The following SPATA13 variants were observed in gnomAD, a reference collection of about 807,000 sequenced individuals.
The protein encoded by SPATA13 is spermatogenesis-associated protein 13.
Under a neutral mutation model 104.0 loss-of-function variants are expected in SPATA13, and 50 were observed. That is an observed-to-expected ratio of 0.48 (90% CI 0.38 to 0.61). The LOEUF (loss-of-function observed/expected upper bound fraction) is 0.61. Ranked by LOEUF, SPATA13 falls within the 20% of genes least tolerant of loss-of-function variation. SPATA13 has a pLI of 0.00. For synonymous variants in SPATA13, 606 were observed against 667.5 expected (o/e 0.91, Z 1.42); for missense variants, 1,524 against 1,690.6 (o/e 0.90, Z 1.73).
chr13:24,201,353 T>G (rs1007064117), intron 1 of SPATA13, among the ~76,000 whole-genome samples: 4 of 152,176 alleles, frequency 2.6e-5, no homozygotes, highest in African/African-American at 9.7e-5. Flanking sequence ...TTTCTTTTAT[T>G]ATTATCATTT....
chr13:24,110,567 A>C (rs1880606579), intron 3 of SPATA13, among the ~76,000 whole-genome samples: 1 of 152,206 alleles, frequency 6.6e-6, no homozygotes, highest in Non-Finnish European at 1.5e-5. Flanking sequence ...GCGGTGGAGA[A>C]GCAGGGTTTG....
intron 1 of SPATA13, among the ~76,000 whole-genome samples, chr13:24,185,781 G>T (rs1869110554): frequency 6.7e-6 from 1 of 148,356 alleles, no homozygotes; most frequent in South Asian, 2.2e-4. Context: ...AGAACTAAAA[G>T]AATGTGTGTG....
rs28372314 is a variant in SPATA13, at chr13:24,233,882, C to A, written c.1653+9300C>A. On this transcript the variant is annotated intron_variant, in intron 2 of 12. Transcript: ENST00000382108. ...CTGACAGGCTACAGAACTTTATACA[C>A]TTAAACACACACACACACACACACA... 2.7e-4 allele frequency among the ~76,000 whole-genome samples: 27 copies of A among 100,664 alleles called. No individual in the cohort carries two copies. The East Asian group carries it at 7.3e-3, about 27-fold the overall frequency. 66.0% of individuals were successfully genotyped at this position (100,664 alleles called of 152,430 possible).
chr13:24,302,243 G>T (rs952255883), intron 12 of SPATA13, among the ~76,000 whole-genome samples: 1 of 152,100 alleles, frequency 6.6e-6, no homozygotes, highest in South Asian at 2.1e-4. Flanking sequence ...AACATAACAA[G>T]TGTAGCTACT....
At chr13:24,182,902 G>A (rs1868900847) in intron 1 of SPATA13, among the ~76,000 whole-genome samples, 1 of 152,116 alleles carries the variant, frequency 6.6e-6, no homozygotes, top group Non-Finnish European at 1.5e-5. Flanking sequence ...ACCCAAAGAA[G>A]GCAAAGGCAG....
intron 3 of SPATA13, among the ~76,000 whole-genome samples, chr13:24,111,649 G>A (rs537363261): frequency 7.2e-5 from 11 of 152,268 alleles, no homozygotes; most frequent in South Asian, 2.1e-4. Flanking sequence ...CAAGCGACCC[G>A]CCTGCCTTGG....
chr13:24,252,272 T>C (rs1873537722), intron 4 of SPATA13, among the ~76,000 whole-genome samples: 1 of 152,148 alleles, frequency 6.6e-6, no homozygotes, highest in African/African-American at 2.4e-5. Flanking sequence ...TGTAGGAGCA[T>C]TGCCTCATCT....
At chr13:24,131,585 A>G (rs891025267) in intron 3 of SPATA13, among the ~76,000 whole-genome samples, 1 of 152,270 alleles carries the variant, frequency 6.6e-6, no homozygotes, top group African/African-American at 2.4e-5. Flanking sequence ...AAGACATTTC[A>G]GTGGCTTATG....
chr13:24,288,807 T>C (rs1876133951), intron 7 of SPATA13, among the ~76,000 whole-genome samples, 192 bp from the exon 8 acceptor site: 1 of 152,230 alleles, frequency 6.6e-6, no homozygotes, highest in Non-Finnish European at 1.5e-5. Flanking sequence ...ATGAGCCTTT[T>C]TGCTTTCTTT....
intron 3 of SPATA13, among the ~76,000 whole-genome samples, chr13:24,042,842 G>C (rs188664359): frequency 2.0e-5 from 3 of 152,172 alleles, no homozygotes; most frequent in Non-Finnish European, 4.4e-5. Context: ...TCTGAGAATC[G>C]CATGTTGAGA....
rs17080288 is a variant in SPATA13, at chr13:24,165,162, T to C, written c.-112+4230T>C. On this transcript the variant is annotated intron_variant, in intron 1 of 12. Transcript: ENST00000382108. ...CCAGGACCTTAAAGGACCTGACTTC[T>C]TGGTGAGCAATCACTTCCACCCATT... Among the ~76,000 whole-genome samples, 749 of 152,314 alleles carry C rather than the reference T, an allele frequency of 4.9e-3. 7 individuals are homozygous for C. Among genetic ancestry groups the C allele is most frequent in the African/African-American group, 0.017 (710 of 41,570 alleles).
intron 2 of SPATA13, among the ~76,000 whole-genome samples, chr13:24,013,166 C>T (rs933374106): frequency 2.6e-5 from 4 of 152,216 alleles, no homozygotes; most frequent in African/African-American, 4.8e-5. Context: ...CCCACTGAAA[C>T]GGGCTTAGAG....
At chr13:24,137,454 A>T (rs1025246184) in intron 3 of SPATA13, among the ~76,000 whole-genome samples, 4 of 152,214 alleles carry the variant, frequency 2.6e-5, no homozygotes, top group African/African-American at 9.7e-5. Flanking sequence ...CATTCTGCTT[A>T]CATAATATCA....
chr13:24,268,229 A>G (rs1874383484), intron 4 of SPATA13, among the ~76,000 whole-genome samples: 2 of 152,240 alleles, frequency 1.3e-5, no homozygotes, highest in African/African-American at 4.8e-5. Context: ...GGTAGATACA[A>G]TATACAGTGG....
At chr13:24,157,781 C>A (rs1229718998), upstream of SPATA13, among the ~76,000 whole-genome samples, 1 of 152,174 alleles carries the variant, frequency 6.6e-6, no homozygotes, top group Non-Finnish European at 1.5e-5. Flanking sequence ...TTCTCCCCAA[C>A]CCTGGGGGAG....
At chr13:24,122,436 T>C in intron 3 of SPATA13, 1 of 1,598,252 alleles carries the variant, frequency 6.3e-7, no homozygotes, top group Non-Finnish European at 8.6e-7. Flanking sequence ...CTTACCAGTC[T>C]TCATCGTCTC....
At chr13:24,172,589 C>G (rs1418777640) in intron 1 of SPATA13, among the ~76,000 whole-genome samples, 1 of 152,156 alleles carries the variant, frequency 6.6e-6, no homozygotes, top group Non-Finnish European at 1.5e-5. Flanking sequence ...TCTAATTGCT[C>G]TAGCACTGTT....
chr13:24,021,966 C>T lies in SPATA13; in HGVS notation c.-112+4265C>T, dbSNP rs567108031. 3.3e-5 allele frequency among the ~76,000 whole-genome samples: 5 copies of T among 152,086 alleles called. No individual in the cohort carries two copies. The East Asian group carries it at 7.7e-4, about 24-fold the overall frequency. ...GACCTCGTAATCTGCCTGCCTCGGC[C>T]TCCCAAAGTGCTGGGATTACAGGCG... On this transcript the variant is annotated intron_variant, in intron 3 of 14. Coordinates refer to the SPATA13 transcript ENST00000424834.
intron 2 of SPATA13, among the ~76,000 whole-genome samples, chr13:23,987,946 C>CTTT (rs1302233254): frequency 1.4e-5 from 2 of 142,290 alleles, no homozygotes; most frequent in Non-Finnish European, 3.1e-5. Context: ...TTTTGTTTCT[C>CTTT]TTTTTTTTTT....
Sources: allele counts gnomAD v4.1 joint callset (sites outside exome capture counted in the v4.1 genomes callset), GRCh38; gene constraint gnomAD v4.1.1; transcripts MANE v1.5; gene names NCBI Gene and HGNC (gene_info 2026-07-23, HGNC 2026-07-21).